ADGRD1: variants seen among roughly 807,000 people sequenced by gnomAD.
The protein encoded by ADGRD1 is G-protein coupled receptor 133.
ADGRD1 carries 77 observed loss-of-function variants against 113.4 expected under a neutral mutation model. The ratio of observed to expected loss-of-function variants is 0.68; its 90% CI spans 0.57 to 0.82. The LOEUF is 0.82. Among genes scored for constraint, ADGRD1 ranks in the 40% least tolerant of loss-of-function variants. The pLI is 0.00. For synonymous variants in ADGRD1, 474 were observed against 475.0 expected, an observed-to-expected ratio of 1.00 and a Z score of 0.03; for missense variants, 1,036 against 1,139.1, an observed-to-expected ratio of 0.91 and a Z score of 1.30.
At position 131,140,891 on chromosome 12, in the gene ADGRD1, C is replaced by G. The variant is rs542303565; in HGVS notation, c.*1628C>G. ...AGTGCCACGGGCCCTGCGTATGGCC[C>G]CTGCAACCGTGCTCTGGCGGGCACA... On this transcript the variant is annotated 3_prime_UTR_variant, in exon 25 of 25. Transcript: ENST00000261654. 6 of 152,416 alleles carry G rather than the reference C, an allele frequency of 3.9e-5. No homozygotes were observed. Among genetic ancestry groups the G allele is most frequent in the Admixed American group, 2.0e-4 (3 of 15,304 alleles). The allele number at this position is 152,416 out of a possible 1,614,324, so 9.4% of individuals were successfully genotyped here. A position where few individuals can be genotyped will look rare whatever the true frequency, so the allele number is the denominator to read the frequency against.
At chr12:131,068,250 C>G (rs1393295671) in intron 13 of ADGRD1, among the ~76,000 whole-genome samples, 1 of 152,164 alleles carries the variant, frequency 6.6e-6, no homozygotes, top group East Asian at 1.9e-4. Flanking sequence ...TTCTGGAAAC[C>G]CGTGTTGCTG....
intron 8 of ADGRD1, among the ~76,000 whole-genome samples, chr12:130,993,214 A>G (rs1481511204): frequency 2.0e-5 from 3 of 151,984 alleles, no homozygotes; most frequent in African/African-American, 7.3e-5. Flanking sequence ...CGTGGTGAGC[A>G]CTTTTCAAGG....
intron 13 of ADGRD1, chr12:131,069,291 A>C (rs1474871629): frequency 6.6e-6 from 1 of 152,122 alleles, no homozygotes; most frequent in African/African-American, 2.4e-5. Flanking sequence ...AGTGTAACTC[A>C]CCTGTGCTGA....
In ADGRD1 at chr12:131,092,581, C is replaced by T. The variant is rs537137809; in HGVS notation, c.1671+7918C>T. On this transcript the variant is annotated intron_variant, in intron 15 of 24. Transcript: ENST00000261654. Reference sequence around the variant, plus strand: ...CACTTCCTCCCAGGCGGCCACTTCCCAGGCTTCAGGCATGGGAAGCGTCCC... The same window carrying T: ...CACTTCCTCCCAGGCGGCCACTTCCTAGGCTTCAGGCATGGGAAGCGTCCC... Among the ~76,000 whole-genome samples, 72 of 152,242 alleles carry T rather than the reference C, an allele frequency of 4.7e-4. No individual in the cohort carries two copies. In the South Asian group the frequency reaches 0.015, roughly 31 times the overall value.
At chr12:130,993,275 ATGCAGAGCCATGTGTTCAGGGACT>A (rs1043850247) in intron 8 of ADGRD1, among the ~76,000 whole-genome samples, 1 of 152,048 alleles carries the variant, frequency 6.6e-6, no homozygotes, top group Non-Finnish European at 1.5e-5. Context: ...AAAGAAGCAC[ATGCAGAGCCATGTGTTCAGGGACT>A]TGAGACATCT....
intron 2 of ADGRD1, chr12:130,956,988 GAC>G (rs1242797300): frequency 6.6e-6 from 1 of 152,340 alleles, no homozygotes; most frequent in Non-Finnish European, 1.5e-5. Flanking sequence ...CAGACATGTT[GAC>G]ACACATGCAT....
intron 13 of ADGRD1, among the ~76,000 whole-genome samples, chr12:131,033,285 A>C (rs911356199): frequency 2.0e-5 from 3 of 152,052 alleles, no homozygotes; most frequent in Non-Finnish European, 4.4e-5. Flanking sequence ...GGAAGGAAGG[A>C]CTTCCAGGCC....
At chr12:131,122,690 TTC>T (rs1950627510) in intron 20 of ADGRD1, among the ~76,000 whole-genome samples, 1 of 149,602 alleles carries the variant, frequency 6.7e-6, no homozygotes, top group Non-Finnish European at 1.5e-5. Context: ...TGTTCTCCCT[TTC>T]TCTCTACTGA....
At chr12:131,039,220 C>T (rs112432921) in intron 13 of ADGRD1, among the ~76,000 whole-genome samples, 1,604 of 112,164 alleles carry the variant, frequency 0.014, 32 homozygotes, top group African/African-American at 0.048. Flanking sequence ...GTGCGGAGAG[C>T]CCTGTGCTCC....
chr12:131,056,397 G>T (rs940812235), intron 13 of ADGRD1, among the ~76,000 whole-genome samples: 1 of 152,188 alleles, frequency 6.6e-6, no homozygotes, highest in African/African-American at 2.4e-5. Flanking sequence ...TTCTCCTAAA[G>T]CTCAGGTCTA....
intron 18 of ADGRD1, among the ~76,000 whole-genome samples, chr12:131,115,364 G>A (rs1005983781): frequency 3.3e-5 from 5 of 152,122 alleles, no homozygotes; most frequent in South Asian, 2.1e-4. Context: ...AACCAGCCCC[G>A]TGGCCTCAAG....
intron 13 of ADGRD1, among the ~76,000 whole-genome samples, chr12:131,032,529 G>A (rs576798145): frequency 1.6e-4 from 25 of 152,206 alleles, no homozygotes; most frequent in Middle Eastern, 3.4e-3. Flanking sequence ...ACGAACTCTC[G>A]GCTGCCCTCT....
chr12:131,137,404 C>T (rs1951114789), intron 23 of ADGRD1, among the ~76,000 whole-genome samples: 1 of 152,328 alleles, frequency 6.6e-6, no homozygotes, highest in East Asian at 1.9e-4. Flanking sequence ...TCTGGGGCAG[C>T]CAGCGCAGGC....
chr12:131,025,225 A>G (rs894591634), intron 13 of ADGRD1, among the ~76,000 whole-genome samples: 2 of 152,240 alleles, frequency 1.3e-5, no homozygotes, highest in Admixed American at 6.5e-5. Flanking sequence ...AGGAATTTTT[A>G]TCATACCGAA....
At chr12:131,090,944 G>A (rs961130726) in intron 15 of ADGRD1, among the ~76,000 whole-genome samples, 5 of 152,190 alleles carry the variant, frequency 3.3e-5, no homozygotes, top group Non-Finnish European at 5.9e-5. Context: ...TGCTTTACAT[G>A]TGAGTCACAG....
intron 18 of ADGRD1, among the ~76,000 whole-genome samples, chr12:131,110,222 A>G (rs1031697398): frequency 1.3e-5 from 2 of 152,178 alleles, no homozygotes; most frequent in Non-Finnish European, 2.9e-5. Flanking sequence ...GTGGATTCAC[A>G]TCAACAATTT....
At chr12:131,132,556 A>G (rs1950963860) in intron 21 of ADGRD1, among the ~76,000 whole-genome samples, 1 of 152,134 alleles carries the variant, frequency 6.6e-6, no homozygotes, top group Non-Finnish European at 1.5e-5. Flanking sequence ...TCGCATCCTT[A>G]GTGTTGGCTT....
Position 130,966,663 on chromosome 12 carries a change from C to T in ADGRD1, c.187+117C>T. 1.4e-6 allele frequency: 1 copy of T among 707,360 alleles called. No individual in the cohort carries two copies. Among genetic ancestry groups the T allele is most frequent in the Non-Finnish European group, 2.6e-6 (1 of 385,866 alleles). The allele number at this position is 707,360 out of a possible 1,614,324, so 43.8% of individuals were successfully genotyped here. ...CCAGGGCCATTGGGGGACGTGGGTG[C>T]TGAGAGTGACTGTGGGCCGGGGAAT... On this transcript the variant is annotated intron_variant, in intron 3 of 24. Coordinates refer to ENST00000261654, the MANE Select transcript of ADGRD1 (RefSeq NM_198827.5). This position sits in a 1 kb window ranked among gnomAD's most constrained non-coding sequence, Gnocchi z 4.6.
intron 8 of ADGRD1, chr12:130,994,195 G>A: frequency 2.4e-6 from 1 of 424,112 alleles, no homozygotes; most frequent in Non-Finnish European, 4.8e-6. Flanking sequence ...AGCGGGTATA[G>A]ACAAGCTGGA....
Sources: allele counts gnomAD v4.1 joint callset (sites outside exome capture counted in the v4.1 genomes callset), GRCh38; gene constraint gnomAD v4.1.1; non-coding constraint Gnocchi (gnomAD v3.1); transcripts MANE v1.5; gene names NCBI Gene and HGNC (gene_info 2026-07-23, HGNC 2026-07-21).